The following CELF2 variants were observed in gnomAD, a reference collection of about 807,000 sequenced individuals.
CELF2 encodes the protein CUG triplet repeat RNA-binding protein 2.
In CELF2, 8 loss-of-function variants were observed where a neutral mutation model predicts 62.6. The ratio of observed to expected loss-of-function variants is 0.13; its 90% CI spans 0.07 to 0.23. The LOEUF is 0.23. Ranked by LOEUF, CELF2 falls within the 10% of genes least tolerant of loss-of-function variation. The pLI is 1.00. For synonymous variants in CELF2, 258 were observed against 250.0 expected (o/e 1.03, Z -0.30); for missense variants, 333 against 671.0 (o/e 0.50, Z 5.56).
chr10:10,913,685 C>A (rs2064031005), intron 1 of CELF2, among the ~76,000 whole-genome samples: 1 of 151,516 alleles, frequency 6.6e-6, no homozygotes, highest in Non-Finnish European at 1.5e-5. Context: ...GCCGCTGCAC[C>A]CAGCCTGTAA....
At chr10:10,645,562 G>GA in the CELF2 span, among the ~76,000 whole-genome samples, 1 of 152,162 alleles carries the variant, frequency 6.6e-6, no homozygotes, top group Non-Finnish European at 1.5e-5. Flanking sequence ...GCTGAGGCAG[G>GA]AAAATCACTT....
At chr10:10,635,699 G>A in the CELF2 span, among the ~76,000 whole-genome samples, 3 of 152,118 alleles carry the variant, frequency 2.0e-5, no homozygotes, top group Non-Finnish European at 2.9e-5. Flanking sequence ...AAGCATGTTC[G>A]AGTTGTCTCT....
intron 7 of CELF2, among the ~76,000 whole-genome samples, chr10:11,272,536 C>G (rs945758821): frequency 6.6e-6 from 1 of 152,234 alleles, no homozygotes; most frequent in Admixed American, 6.5e-5. Context: ...AGCACGTCTC[C>G]TGTGCCCCCA....
At chr10:11,002,700 T>A (rs1341967904), upstream of CELF2, among the ~76,000 whole-genome samples, 2 of 152,196 alleles carry the variant, frequency 1.3e-5, no homozygotes, top group Admixed American at 1.3e-4. The surrounding 1 kb of genome is among the most constrained non-coding windows in gnomAD (Gnocchi z 4.4). Flanking sequence ...AATCAATTGC[T>A]AAATGTGAAA....
chr10:10,650,339 T>G, the CELF2 span, among the ~76,000 whole-genome samples: 73 of 152,226 alleles, frequency 4.8e-4, no homozygotes, highest in Admixed American at 1.8e-3. Context: ...CATTTAAACT[T>G]TTGCTCTTCA....
At chr10:10,625,048 A>G in the CELF2 span, among the ~76,000 whole-genome samples, 3 of 152,256 alleles carry the variant, frequency 2.0e-5, no homozygotes. Flanking sequence ...AATGCAAAAT[A>G]AAATGAAAAA....
At chr10:10,518,180 C>T in the CELF2 span, among the ~76,000 whole-genome samples, 1 of 152,192 alleles carries the variant, frequency 6.6e-6, no homozygotes. Flanking sequence ...TTCTGAATTC[C>T]ACTGTGGATG....
rs75836111 is a variant in CELF2 at position 11,269,424 on chromosome 10, T to G, written c.619-1242T>G. 5.1e-3 allele frequency among the ~76,000 whole-genome samples: 778 copies of G among 152,068 alleles called. 31 individuals carry two copies. The South Asian group carries it at 0.072, about 14-fold the overall frequency. Reference sequence around the variant, plus strand: ...CTACCCAAGGTGATAAGGAAAAAAATGCGTTTGTTTTCCAGAAAAGAGAAA... The same window carrying G: ...CTACCCAAGGTGATAAGGAAAAAAAGGCGTTTGTTTTCCAGAAAAGAGAAA... On this transcript the variant is annotated intron_variant, in intron 6 of 12. Transcript: ENST00000633077. This position sits in a 1 kb window ranked among gnomAD's most constrained non-coding sequence, Gnocchi z 4.4.
chr10:10,637,643 C>T, the CELF2 span, among the ~76,000 whole-genome samples: 1 of 152,174 alleles, frequency 6.6e-6, no homozygotes, highest in Non-Finnish European at 1.5e-5. Context: ...GCGCTAAAAC[C>T]ATATTCTTCC....
the CELF2 span, among the ~76,000 whole-genome samples, chr10:10,751,897 T>G: frequency 6.6e-6 from 1 of 152,222 alleles, no homozygotes; most frequent in African/African-American, 2.4e-5. Context: ...TCAAGTTGCA[T>G]AGCTCTCGTG....
intron 1 of CELF2, among the ~76,000 whole-genome samples, chr10:10,900,965 G>A (rs1300697805): frequency 2.0e-5 from 3 of 152,248 alleles, no homozygotes; most frequent in East Asian, 1.9e-4. Context: ...AGCCTTGGGG[G>A]ATAAATCTGA....
intron 1 of CELF2, among the ~76,000 whole-genome samples, chr10:11,056,411 A>G (rs1158138574): frequency 1.3e-5 from 2 of 152,234 alleles, no homozygotes; most frequent in East Asian, 1.9e-4. Flanking sequence ...CAATCAGGTA[A>G]TAATTTATTA....
intron 2 of CELF2, among the ~76,000 whole-genome samples, chr10:10,950,876 G>A (rs550713372): frequency 1.1e-4 from 16 of 152,330 alleles, no homozygotes; most frequent in African/African-American, 3.8e-4. Flanking sequence ...ATCTAGGCCT[G>A]TGCTGAGCCA....
chr10:11,230,288 A>T (rs1175528891), intron 3 of CELF2, among the ~76,000 whole-genome samples: 1 of 151,356 alleles, frequency 6.6e-6, no homozygotes, highest in African/African-American at 2.5e-5. Context: ...TCACTCTGAA[A>T]AAATTAATTT....
intron 2 of CELF2, among the ~76,000 whole-genome samples, chr10:11,167,176 G>T (rs2067472137): frequency 6.6e-6 from 1 of 152,138 alleles, no homozygotes; most frequent in South Asian, 2.1e-4. Context: ...TTCTGATACT[G>T]GTTACCTACA....
chr10:11,223,917 G>A lies in CELF2; in HGVS notation c.354+6410G>A, dbSNP rs965872301. Among the ~76,000 whole-genome samples, 30 of 152,312 alleles carry A rather than the reference G, an allele frequency of 2.0e-4. No individual in the cohort carries two copies. The highest frequency in any genetic ancestry group is 6.5e-4 in the African/African-American group (27 of 41,560). On this transcript the variant is annotated intron_variant, in intron 3 of 12. Coordinates refer to ENST00000633077, the MANE Select transcript of CELF2 (RefSeq NM_001326342.2). This position sits in a 1 kb window ranked among gnomAD's most constrained non-coding sequence, Gnocchi z 5.1. ...CCATTACAAATTGTCTATTTCACCC[G>A]CCATAAAGTTTTACACACTACCTGA...
the CELF2 span, among the ~76,000 whole-genome samples, chr10:10,553,268 C>G: frequency 6.6e-6 from 1 of 152,084 alleles, no homozygotes; most frequent in Non-Finnish European, 1.5e-5. Flanking sequence ...ACAGGAAGAC[C>G]TGGATTCAAT....
Position 11,165,801 on chromosome 10 carries a change from C to T in CELF2, c.271+119C>T. 5.3e-6 allele frequency: 5 copies of T among 936,346 alleles called. No individual in the cohort carries two copies. The East Asian group carries it at 8.1e-5, about 15-fold the overall frequency. The allele number at this position is 936,346 out of a possible 1,614,324, so 58.0% of individuals were successfully genotyped here. On this transcript the variant is annotated intron_variant, in intron 2 of 12. Transcript: ENST00000633077. The surrounding 1 kb of genome is among the most constrained non-coding windows in gnomAD (Gnocchi z 7.4). Reference sequence around the variant, plus strand: ...GGTAGGCAGGAGGGCTGGAAGCAGCCGGTGCTGGCGGCCCCTGTGCTCCAG... The same window carrying T: ...GGTAGGCAGGAGGGCTGGAAGCAGCTGGTGCTGGCGGCCCCTGTGCTCCAG...
At chr10:10,548,005 T>C in the CELF2 span, among the ~76,000 whole-genome samples, 798 of 152,278 alleles carry the variant, frequency 5.2e-3, 1 homozygote, top group Non-Finnish European at 8.4e-3. Context: ...TTCGATTTCA[T>C]GTTATTTGGT....
Sources: gnomAD v4.1 joint callset for allele counts (sites outside exome capture counted in the v4.1 genomes callset) on GRCh38, gnomAD v4.1.1 for gene constraint, Gnocchi (gnomAD v3.1) non-coding constraint, MANE v1.5 for transcripts, NCBI Gene and HGNC (gene_info 2026-07-23, HGNC 2026-07-21) for gene names.